ADAMTS8: variants seen among roughly 807,000 people sequenced by gnomAD.
The protein encoded by ADAMTS8 is A disintegrin and metalloproteinase with thrombospondin motifs 8.
A neutral mutation model predicts 64.4 loss-of-function variants in ADAMTS8; 50 were observed. The ratio of observed to expected loss-of-function variants is 0.78; its 90% CI spans 0.62 to 0.98. The LOEUF is 0.98. Among genes scored for constraint, ADAMTS8 ranks in the 50% least tolerant of loss-of-function variants. The pLI is 0.00. For synonymous variants in ADAMTS8, 556 were observed against 533.6 expected (o/e 1.04, Z -0.58); for missense variants, 1,192 against 1,208.2 (o/e 0.99, Z 0.20).
At chr11:130,418,598 G>A (rs913023259) in intron 2 of ADAMTS8, among the ~76,000 whole-genome samples, 2 of 152,256 alleles carry the variant, frequency 1.3e-5, no homozygotes, top group Admixed American at 6.5e-5. Flanking sequence ...GACAGGGCCT[G>A]GCACACAGGA....
In ADAMTS8 at chr11:130,405,945, C is replaced by T; in HGVS notation, c.2283G>A (p.Gly761=). 3 of 1,614,218 alleles carry T rather than the reference C, an allele frequency of 1.9e-6. No individual in the cohort carries two copies. Among genetic ancestry groups the T allele is most frequent in the Non-Finnish European group, 2.5e-6 (3 of 1,180,020 alleles). ...TGGAGCCGCTGTACTTCAGGATGGT[C>T]CCCTTCACCAAGATGTCCTGCTCTA... ...SAIEQDILVK[G]TILKYSGSIA... is the part of the protein sequence containing the mutation. Residue 761 remains glycine, a synonymous_variant, in exon 9 of 9, where the codon GGG becomes GGA. Transcript: ENST00000257359.
intron 8 of ADAMTS8, 110 bp from the exon 9 acceptor site, chr11:130,406,238 A>G (rs1350509018): frequency 2.2e-6 from 3 of 1,345,832 alleles, no homozygotes; most frequent in Non-Finnish European, 3.0e-6. Context: ...CGAAAAAAAC[A>G]AAGCAAGTAA....
intron 6 of ADAMTS8, 89 bp from the exon 7 acceptor site, chr11:130,409,029 T>G (rs2291344): frequency 0.47 from 682,656 of 1,453,136 alleles, 162,392 homozygotes; most frequent in East Asian, 0.62. Flanking sequence ...AGCACTTTTC[T>G]TCTTTCTTTT....
chr11:130,406,756 G>A (rs1565372779), intron 8 of ADAMTS8, among the ~76,000 whole-genome samples: 1 of 152,196 alleles, frequency 6.6e-6, no homozygotes, highest in African/African-American at 2.4e-5. Context: ...CTGTGCTTCT[G>A]GAATGATAGG....
At chr11:130,414,876 G>A in intron 4 of ADAMTS8, 44 bp from the exon 5 acceptor site, 2 of 1,522,330 alleles carry the variant, frequency 1.3e-6, no homozygotes, top group Non-Finnish European at 1.8e-6. Flanking sequence ...GCACAGGGCT[G>A]CCGCCCTCTC....
At chr11:130,413,833 T>G (rs889199934) in intron 5 of ADAMTS8, among the ~76,000 whole-genome samples, 2 of 152,206 alleles carry the variant, frequency 1.3e-5, no homozygotes, top group Admixed American at 1.3e-4. Context: ...CTTGATGGAA[T>G]TTATTCCGCG....
intron 8 of ADAMTS8, among the ~76,000 whole-genome samples, chr11:130,406,632 T>C (rs1861888534): frequency 6.8e-6 from 1 of 146,194 alleles, no homozygotes; most frequent in East Asian, 2.2e-4. Context: ...GTCAGTCGGC[T>C]CCTAGTATTT....
Position 130,416,222 on chromosome 11 carries a change from G to T in ADAMTS8, c.1205C>A (p.Thr402Lys). Residue 402 changes from threonine to lysine, a missense_variant, in exon 4 of 9, where the codon ACG (threonine) becomes AAG (lysine). Coordinates refer to ENST00000257359, the MANE Select transcript of ADAMTS8 (RefSeq NM_007037.6). The surrounding 1 kb of genome is among the most constrained non-coding windows in gnomAD (Gnocchi z 4.8). ...GGCGCTGCAGGGGGACCAGGGCAGC[G>T]TCTGGTTCAGGTGGACGAACAGCGG... ...MAPLFVHLNQ[T>K]LPWSPCSAMY... is the part of the protein sequence containing the mutation. 6.3e-7 allele frequency: 1 copy of T among 1,595,394 alleles called. No individual in the cohort carries two copies. Among genetic ancestry groups the T allele is most frequent in the Non-Finnish European group, 8.5e-7 (1 of 1,171,640 alleles).
chr11:130,422,431 C>A (rs772293417), intron 1 of ADAMTS8, among the ~76,000 whole-genome samples: 16 of 152,088 alleles, frequency 1.1e-4, no homozygotes, highest in Non-Finnish European at 2.1e-4. Flanking sequence ...CCTCCCGCCC[C>A]GATGTCATCA....
At chr11:130,415,081 G>T (rs994517054) in intron 4 of ADAMTS8, among the ~76,000 whole-genome samples, 4 of 152,194 alleles carry the variant, frequency 2.6e-5, no homozygotes. Flanking sequence ...CCGACATTCT[G>T]TGTACCCAGT....
In ADAMTS8 at chr11:130,416,259, G is replaced by A; in HGVS notation, c.1168C>T (p.His390Tyr). The A allele has an allele frequency of 1.3e-6, 2 of 1,583,976 alleles. No homozygotes were observed. Among genetic ancestry groups the A allele is most frequent in the Non-Finnish European group, 1.7e-6 (2 of 1,165,696 alleles). The stretch of plus-strand genomic sequence containing the variant: ...TGGACGAACAGCGGTGCCATCACGT[G>A]GTGCTTGCCCATGGGCCCGAAGAGC... ...TRLFGPMGKH[H>Y]VMAPLFVHLN... is the part of the protein sequence containing the mutation. The change falls in exon 4 of 9, where the codon CAC (histidine) becomes TAC (tyrosine). Residue 390 changes from histidine to tyrosine, a missense_variant. Transcript: ENST00000257359. The surrounding 1 kb of genome is among the most constrained non-coding windows in gnomAD (Gnocchi z 4.8).
In ADAMTS8 at chr11:130,416,267, C is replaced by A; in HGVS notation, c.1160G>T (p.Gly387Val). 1 of 1,580,342 alleles carries A rather than the reference C, an allele frequency of 6.3e-7. No homozygotes were observed. The highest frequency in any genetic ancestry group is 8.6e-7 in the Non-Finnish European group (1 of 1,163,624). ...KPCTRLFGPM[G>V]KHHVMAPLFV... is the part of the protein sequence containing the mutation. The stretch of plus-strand genomic sequence containing the variant: ...CAGCGGTGCCATCACGTGGTGCTTG[C>A]CCATGGGCCCGAAGAGCCGTGTGCA... The change falls in exon 4 of 9, where the codon GGC (glycine) becomes GTC (valine). Residue 387 changes from glycine (G) to valine (V), a missense_variant. By Grantham distance (109) the Gly-to-Val change is moderately radical (BLOSUM62 -3). Around this residue, in one of 5 missense-constraint regions of ADAMTS8, gnomAD observed 741 missense variants for 710.6 expected, o/e 1.04. Transcript: ENST00000257359. The surrounding 1 kb of genome is among the most constrained non-coding windows in gnomAD (Gnocchi z 4.8).
intron 5 of ADAMTS8, among the ~76,000 whole-genome samples, chr11:130,414,137 T>C (rs1406488825): frequency 6.6e-6 from 1 of 151,350 alleles, no homozygotes; most frequent in Non-Finnish European, 1.5e-5. Flanking sequence ...TTTTTTTTTT[T>C]TTTGGAGACA....
chr11:130,424,987 C>T (rs1197718395), intron 1 of ADAMTS8, among the ~76,000 whole-genome samples: 1 of 152,132 alleles, frequency 6.6e-6, no homozygotes, highest in Non-Finnish European at 1.5e-5. Flanking sequence ...AGGAACTCAG[C>T]CTTCAGAGGT....
At position 130,414,624 on chromosome 11, in the gene ADAMTS8, G is replaced by T. The variant is rs1201529833; in HGVS notation, c.1473C>A (p.Gly491=). 6.2e-7 allele frequency: 1 copy of T among 1,613,682 alleles called. No individual in the cohort carries two copies. Among genetic ancestry groups the T allele is most frequent in the Non-Finnish European group, 8.5e-7 (1 of 1,180,028 alleles). Residue 491 remains glycine, a synonymous_variant, in exon 5 of 9, where the codon GGC becomes GGA. Transcript: ENST00000257359. ...GAEPLCHTKN[G]SLPWADGTPC... ...GCGTGCCGTCAGCCCAGGGCAGGCT[G>T]CCATTCTTCGTGTGGCACAGGGGCT...
rs1186683938 is a variant in ADAMTS8 at position 130,427,630 on chromosome 11, G to A, written c.657C>T (p.Arg219=). Residue 219 remains arginine, a synonymous_variant, in exon 1 of 9, where the codon CGC becomes CGT. Transcript: ENST00000257359. The part of the protein sequence containing the change: ...SRTKRFVSEA[R]FVETLLVADA... Reference sequence around the variant, plus strand: ...CGGCCACCAGCAGCGTCTCCACGAAGCGCGCCTCAGACACAAACCGCTTGG... The same window carrying A: ...CGGCCACCAGCAGCGTCTCCACGAAACGCGCCTCAGACACAAACCGCTTGG... 1.3e-6 allele frequency: 2 copies of A among 1,569,584 alleles called. No homozygotes were observed. The highest frequency in any genetic ancestry group is 2.3e-5 in the South Asian group (2 of 85,884).
At chr11:130,407,895 T>C (rs191515758) in intron 8 of ADAMTS8, among the ~76,000 whole-genome samples, 20 of 152,282 alleles carry the variant, frequency 1.3e-4, no homozygotes, top group Non-Finnish European at 1.3e-4. Flanking sequence ...AATGAGACCA[T>C]GGAAATGAAA....
chr11:130,408,335 G>C, intron 8 of ADAMTS8, 129 bp downstream of exon 8: 1 of 1,090,310 alleles, frequency 9.2e-7, no homozygotes, highest in South Asian at 1.5e-5. Context: ...GAAGCTCGGA[G>C]AGTTTAAATA....
chr11:130,408,550 G>A lies in ADAMTS8; in HGVS notation c.2013C>T (p.Asp671=). Residue 671 remains aspartate (D), a synonymous_variant, in exon 8 of 9, where the codon GAC becomes GAT. Transcript: ENST00000257359. ...CVKAGCDHVV[D]SPRKLDKCGV... Reference sequence around the variant, plus strand: ...CGCATTTGTCCAGCTTCCGAGGCGAGTCCACCACATGGTCACAGCCGGCCT... The same window carrying A: ...CGCATTTGTCCAGCTTCCGAGGCGAATCCACCACATGGTCACAGCCGGCCT... 6.2e-7 allele frequency: 1 copy of A among 1,614,164 alleles called. No homozygotes were observed. Among genetic ancestry groups the A allele is most frequent in the Non-Finnish European group, 8.5e-7 (1 of 1,180,036 alleles).
Sources: allele counts gnomAD v4.1 joint callset (sites outside exome capture counted in the v4.1 genomes callset), GRCh38; gene constraint gnomAD v4.1.1; regional missense constraint gnomAD v4.1.1; non-coding constraint Gnocchi (gnomAD v3.1); transcripts MANE v1.5; gene names NCBI Gene and HGNC (gene_info 2026-07-23, HGNC 2026-07-21).